Variants in FBXL7 observed in about 807,000 individuals in gnomAD.
The protein encoded by FBXL7 is F-box and leucine rich repeat protein 7, also known as F-box/LRR-repeat protein 7.
Under a neutral mutation model 38.3 loss-of-function variants are expected in FBXL7, and 12 were observed. That is an observed-to-expected ratio of 0.31 (90% CI 0.20 to 0.51). The LOEUF (loss-of-function observed/expected upper bound fraction) is 0.51. Among genes scored for constraint, FBXL7 ranks in the 20% least tolerant of loss-of-function variants. The probability of loss-of-function intolerance (pLI) is 0.98; values close to 1 mark genes in which losing one functional copy is unlikely to be tolerated. For synonymous variants in FBXL7, 297 were observed against 300.9 expected (o/e 0.99, Z 0.13); for missense variants, 567 against 676.4 (o/e 0.84, Z 1.79).
chr5:15,521,081 A>G (rs1030631381), intron 1 of FBXL7, among the ~76,000 whole-genome samples: 4 of 152,198 alleles, frequency 2.6e-5, no homozygotes, highest in African/African-American at 4.8e-5. Flanking sequence ...CCAGGATTCA[A>G]ACTAGCTGGA....
intron 1 of FBXL7, among the ~76,000 whole-genome samples, chr5:15,567,934 T>C (rs1381024511): frequency 2.0e-5 from 3 of 152,182 alleles, no homozygotes; most frequent in Admixed American, 1.3e-4. Flanking sequence ...ACTCATCATT[T>C]TTTATGGCTG....
At chr5:15,727,203 G>A (rs948168415) in intron 2 of FBXL7, among the ~76,000 whole-genome samples, 1 of 151,748 alleles carries the variant, frequency 6.6e-6, no homozygotes, top group African/African-American at 2.4e-5. Flanking sequence ...TATTTTAAAT[G>A]TGTGTCTTAA....
chr5:15,792,440 G>A (rs1399051770), intron 2 of FBXL7, among the ~76,000 whole-genome samples: 1 of 152,116 alleles, frequency 6.6e-6, no homozygotes, highest in African/African-American at 2.4e-5. Context: ...AATGCATCCT[G>A]GAAAACGTTT....
intron 2 of FBXL7, among the ~76,000 whole-genome samples, chr5:15,918,205 C>T (rs774275870): frequency 6.6e-6 from 1 of 152,106 alleles, no homozygotes; most frequent in African/African-American, 2.4e-5. Context: ...TGCCACTGCA[C>T]TCCAGCCTGG....
chr5:15,551,847 T>C (rs1249621143), intron 1 of FBXL7, among the ~76,000 whole-genome samples: 1 of 152,192 alleles, frequency 6.6e-6, no homozygotes, highest in Non-Finnish European at 1.5e-5. Context: ...GCAAGTCCAA[T>C]TTACTCTTGA....
At chr5:15,816,002 TAG>T (rs990475859) in intron 2 of FBXL7, among the ~76,000 whole-genome samples, 28 of 152,244 alleles carry the variant, frequency 1.8e-4, no homozygotes, top group Non-Finnish European at 3.4e-4. Context: ...TAAAATATAT[TAG>T]GTGTTAGAAA....
At position 15,938,657 on chromosome 5, in the gene FBXL7, C is replaced by T. The variant is rs1311106203; in HGVS notation, c.*1471C>T. On this transcript the variant is annotated 3_prime_UTR_variant, in exon 4 of 4. Coordinates refer to ENST00000504595, the MANE Select transcript of FBXL7 (RefSeq NM_012304.5). ...TGCCAGATGAATGGAAGAGGGAACACACTGAGATGACTTAGACTCTGGTCC... is the reference window on the plus strand; with the variant it reads ...TGCCAGATGAATGGAAGAGGGAACATACTGAGATGACTTAGACTCTGGTCC... 11 of 206,682 alleles carry T rather than the reference C, an allele frequency of 5.3e-5. No homozygotes were observed. In the East Asian group the frequency reaches 1.1e-3, roughly 21 times the overall value. The allele number at this position is 206,682 out of a possible 1,614,324, so 12.8% of individuals were successfully genotyped here. A position where few individuals can be genotyped will look rare whatever the true frequency, so the allele number is the denominator to read the frequency against.
At chr5:15,732,788 A>G (rs1022800612) in intron 2 of FBXL7, among the ~76,000 whole-genome samples, 22 of 152,176 alleles carry the variant, frequency 1.4e-4, no homozygotes, top group African/African-American at 5.3e-4. Flanking sequence ...AGATATAGAA[A>G]ACAAAATGCC....
At chr5:15,652,327 C>T (rs766868164) in intron 2 of FBXL7, among the ~76,000 whole-genome samples, 2 of 152,054 alleles carry the variant, frequency 1.3e-5, no homozygotes, top group South Asian at 2.1e-4. Context: ...AGTGCAGTGG[C>T]GTGATCTCGG....
chr5:15,890,810 T>C (rs1740871199), intron 2 of FBXL7, among the ~76,000 whole-genome samples: 1 of 152,140 alleles, frequency 6.6e-6, no homozygotes, highest in Non-Finnish European at 1.5e-5. Flanking sequence ...AGCCCTACCT[T>C]TTAACATGTA....
chr5:15,753,195 T>C (rs1736201301), intron 2 of FBXL7, among the ~76,000 whole-genome samples: 1 of 152,100 alleles, frequency 6.6e-6, no homozygotes. Context: ...TTTCCCCGTA[T>C]AGTGCTTGTG....
intron 1 of FBXL7, among the ~76,000 whole-genome samples, chr5:15,514,041 A>G (rs1458284840): frequency 6.6e-6 from 1 of 152,148 alleles, no homozygotes; most frequent in South Asian, 2.1e-4. Context: ...AGCAATAAAA[A>G]ACCAATTCCC....
At chr5:15,587,114 T>G (rs928925565) in intron 1 of FBXL7, among the ~76,000 whole-genome samples, 1 of 152,238 alleles carries the variant, frequency 6.6e-6, no homozygotes, top group Non-Finnish European at 1.5e-5. Flanking sequence ...CCATTTGTCC[T>G]GCTGGAAAAT....
At chr5:15,704,729 G>A (rs543579845) in intron 2 of FBXL7, among the ~76,000 whole-genome samples, 1 of 152,114 alleles carries the variant, frequency 6.6e-6, no homozygotes, top group South Asian at 2.1e-4. Context: ...ATTTGACAAT[G>A]CAGCATACTA....
intron 2 of FBXL7, among the ~76,000 whole-genome samples, chr5:15,739,503 T>A (rs962505264): frequency 2.2e-5 from 3 of 136,498 alleles, no homozygotes; most frequent in African/African-American, 5.3e-5. Flanking sequence ...AACTTTTTTT[T>A]ATCACAACAA....
intron 2 of FBXL7, among the ~76,000 whole-genome samples, chr5:15,887,313 G>A (rs1324001897): frequency 1.3e-5 from 2 of 152,132 alleles, no homozygotes; most frequent in African/African-American, 4.8e-5. Context: ...GGAAGTCATG[G>A]CAGTCAGCAC....
rs184175359 is a variant in FBXL7 at position 15,801,947 on chromosome 5, G to A, written c.128-125943G>A. 2.1e-3 allele frequency among the ~76,000 whole-genome samples: 318 copies of A among 152,084 alleles called. 1 individual carries two copies. The highest frequency in any genetic ancestry group is 7.2e-3 in the African/African-American group (300 of 41,468). On this transcript the variant is annotated intron_variant, in intron 2 of 3. Coordinates refer to ENST00000504595, the MANE Select transcript of FBXL7 (RefSeq NM_012304.5). ...CATCGATGAAATTCAAGAGATGTTA[G>A]GGACTTCAAGTTAACAGGGCATACT...
intron 2 of FBXL7, among the ~76,000 whole-genome samples, chr5:15,754,741 G>C (rs976931931): frequency 6.6e-6 from 1 of 152,160 alleles, no homozygotes; most frequent in Non-Finnish European, 1.5e-5. Flanking sequence ...GCACAAGCAC[G>C]TACATTATTA....
chr5:15,524,036 GTTTAA>G (rs1173583472), intron 1 of FBXL7, among the ~76,000 whole-genome samples: 1 of 152,156 alleles, frequency 6.6e-6, no homozygotes, highest in African/African-American at 2.4e-5. Flanking sequence ...TGATATAGGG[GTTTAA>G]TTTAGATAGT....
Sources: allele counts gnomAD v4.1 joint callset (sites outside exome capture counted in the v4.1 genomes callset), GRCh38; gene constraint gnomAD v4.1.1; transcripts MANE v1.5; gene names NCBI Gene and HGNC (gene_info 2026-07-23, HGNC 2026-07-21).